The following ASTN2 variants were observed in gnomAD, a reference collection of about 807,000 sequenced individuals.
ASTN2 encodes the protein astrotactin-2.
In ASTN2, 54 loss-of-function variants were observed where a neutral mutation model predicts 139.8. The ratio of observed to expected loss-of-function variants is 0.39; its 90% CI spans 0.31 to 0.48. ASTN2 has a LOEUF of 0.48. ASTN2 is among the 20% of genes least tolerant of loss of function. The pLI is 0.95. For synonymous variants in ASTN2, 756 were observed against 719.5 expected, an observed-to-expected ratio of 1.05 and a Z score of -0.81; for missense variants, 1,565 against 1,725.1, an observed-to-expected ratio of 0.91 and a Z score of 1.64.
chr9:116,536,993 G>A (rs887622204), intron 19 of ASTN2, among the ~76,000 whole-genome samples: 20 of 152,304 alleles, frequency 1.3e-4, no homozygotes, highest in Middle Eastern at 3.4e-3. Flanking sequence ...TTGAGCTGTG[G>A]TGGGCTCCAC....
chr9:116,586,604 C>A (rs1313569134), intron 19 of ASTN2, among the ~76,000 whole-genome samples: 1 of 151,918 alleles, frequency 6.6e-6, no homozygotes, highest in Non-Finnish European at 1.5e-5. Context: ...TACCCATGGG[C>A]ATAAAGATAG....
chr9:116,601,484 C>T (rs530675272), intron 19 of ASTN2, among the ~76,000 whole-genome samples: 4 of 152,000 alleles, frequency 2.6e-5, no homozygotes, highest in Admixed American at 6.6e-5. Context: ...GGAAAAGTGG[C>T]TAATGTGAGG....
intron 13 of ASTN2, among the ~76,000 whole-genome samples, 160 bp downstream of exon 13, chr9:116,805,472 T>C (rs1270590363): frequency 6.6e-6 from 1 of 152,062 alleles, no homozygotes; most frequent in Non-Finnish European, 1.5e-5. Context: ...TGGAATAAAG[T>C]TTGATGACTT....
chr9:116,571,845 C>T (rs1165296701), intron 19 of ASTN2, among the ~76,000 whole-genome samples: 3 of 151,960 alleles, frequency 2.0e-5, no homozygotes, highest in African/African-American at 7.3e-5. Flanking sequence ...TTGTTATCTG[C>T]CTTTCGTTGG....
intron 4 of ASTN2, among the ~76,000 whole-genome samples, chr9:117,134,278 A>ATG (rs1308571062): frequency 1.4e-5 from 1 of 74,040 alleles, no homozygotes; most frequent in Admixed American, 1.4e-4. Context: ...ATATATATAT[A>ATG]TATATATATA....
chr9:116,877,303 T>A (rs973433770), intron 10 of ASTN2, among the ~76,000 whole-genome samples: 2 of 135,796 alleles, frequency 1.5e-5, no homozygotes, highest in African/African-American at 2.5e-5. Flanking sequence ...AAATTTTCTA[T>A]CTAAGTGTGG....
chr9:117,274,951 C>G (rs1834150865), intron 2 of ASTN2, among the ~76,000 whole-genome samples: 1 of 152,206 alleles, frequency 6.6e-6, no homozygotes, highest in East Asian at 1.9e-4. Context: ...ATGAAGACAG[C>G]ATGGGCTCAA....
chr9:117,268,490 C>A lies in ASTN2; in HGVS notation c.630+22836G>T, dbSNP rs570131299. On this transcript the variant is annotated intron_variant, in intron 2 of 22. Transcript: ENST00000313400. ...CTTAATCACTCTGGCTAGAAGTATA[C>A]TTTTTCTCCTCTGTGTTCCCACCGT... is the stretch of plus-strand genomic sequence containing the variant. Among the ~76,000 whole-genome samples the A allele has an allele frequency of 5.9e-5, 9 of 152,308 alleles. No homozygotes were observed. The East Asian group carries it at 1.5e-3, about 26-fold the overall frequency.
intron 3 of ASTN2, among the ~76,000 whole-genome samples, chr9:117,177,858 C>CCCCTTCAGGAATAAATTTATT (rs1301875323): frequency 6.6e-6 from 1 of 152,082 alleles, no homozygotes; most frequent in African/African-American, 2.4e-5. Flanking sequence ...GTAGGTGGGG[C>CCCCTTCAGGAATAAATTTATT]CCCTTCAGGA....
At chr9:117,097,352 T>C (rs1828865796) in intron 4 of ASTN2, among the ~76,000 whole-genome samples, 1 of 152,124 alleles carries the variant, frequency 6.6e-6, no homozygotes, top group Admixed American at 6.5e-5. Flanking sequence ...GAGAGAAATA[T>C]GGGTATGTTT....
chr9:117,255,858 G>A (rs984645827), intron 2 of ASTN2, among the ~76,000 whole-genome samples: 2 of 152,086 alleles, frequency 1.3e-5, no homozygotes, highest in Non-Finnish European at 2.9e-5. Flanking sequence ...CACAATGAAG[G>A]GCATGTTGGA....
At chr9:116,885,178 G>A (rs1274121745) in intron 10 of ASTN2, among the ~76,000 whole-genome samples, 1 of 151,794 alleles carries the variant, frequency 6.6e-6, no homozygotes, top group Middle Eastern at 3.2e-3. Flanking sequence ...ATATATAGAA[G>A]GAATAAAGTC....
intron 1 of ASTN2, among the ~76,000 whole-genome samples, chr9:117,319,319 C>A (rs922240423): frequency 1.3e-5 from 2 of 152,182 alleles, no homozygotes; most frequent in Non-Finnish European, 2.9e-5. Flanking sequence ...AGTAATAAAA[C>A]CTGGGTTCTA....
intron 1 of ASTN2, among the ~76,000 whole-genome samples, chr9:117,386,450 C>T (rs760312841): frequency 2.0e-5 from 3 of 152,160 alleles, no homozygotes; most frequent in Non-Finnish European, 4.4e-5. Flanking sequence ...GAACATGGTG[C>T]TCTTCTTAGC....
chr9:117,040,860 G>T (rs556637076), intron 5 of ASTN2, among the ~76,000 whole-genome samples: 18 of 152,188 alleles, frequency 1.2e-4, no homozygotes, highest in Admixed American at 3.3e-4. Context: ...GAGTTTCACG[G>T]TTAGAAGCTG....
intron 19 of ASTN2, among the ~76,000 whole-genome samples, chr9:116,559,646 A>G (rs1162263636): frequency 6.6e-6 from 1 of 152,160 alleles, no homozygotes; most frequent in Non-Finnish European, 1.5e-5. Flanking sequence ...GAAATTCTGA[A>G]TCCTGATCAC....
intron 2 of ASTN2, 105 bp downstream of exon 2, chr9:117,291,221 T>C: frequency 1.4e-6 from 2 of 1,408,988 alleles, no homozygotes; most frequent in South Asian, 1.4e-5. Flanking sequence ...CTCTTGAGTT[T>C]GGTTCTTTCC....
intron 6 of ASTN2, among the ~76,000 whole-genome samples, chr9:117,013,691 A>G (rs1458817582): frequency 1.3e-5 from 2 of 152,088 alleles, no homozygotes. Flanking sequence ...AGCATAGATC[A>G]GGGGTGAGCT....
intron 19 of ASTN2, among the ~76,000 whole-genome samples, chr9:116,563,253 T>A (rs1398735038): frequency 6.6e-6 from 1 of 151,848 alleles, no homozygotes; most frequent in Non-Finnish European, 1.5e-5. Context: ...TGGGTGCCTA[T>A]AGTCCCAGCT....
Sources: gnomAD v4.1 joint callset for allele counts (sites outside exome capture counted in the v4.1 genomes callset) on GRCh38, gnomAD v4.1.1 for gene constraint, MANE v1.5 for transcripts, NCBI Gene and HGNC (gene_info 2026-07-23, HGNC 2026-07-21) for gene names.